The following TBCK variants were observed in gnomAD, a reference collection of about 807,000 sequenced individuals.
The protein encoded by TBCK is TBC domain-containing protein kinase-like protein.
In TBCK, 99 loss-of-function variants were observed where a neutral mutation model predicts 113.4. The ratio of observed to expected loss-of-function variants is 0.87; its 90% CI spans 0.74 to 1.03. TBCK has a LOEUF of 1.03. Ranked by LOEUF, TBCK falls within the 50% of genes least tolerant of loss-of-function variation. The pLI, the probability that TBCK is intolerant of heterozygous loss-of-function variation, is 0.00. For missense variants in TBCK, 1,045 were observed against 1,061.3 expected, an observed-to-expected ratio of 0.98 and a Z score of 0.21; for synonymous variants, 369 against 370.8, an observed-to-expected ratio of 1.00 and a Z score of 0.05.
chr4:106,081,317 C>T (rs1738851216), intron 25 of TBCK, among the ~76,000 whole-genome samples: 2 of 152,142 alleles, frequency 1.3e-5, no homozygotes, highest in Admixed American at 6.5e-5. Flanking sequence ...AGTACATATA[C>T]ACCATGGAAT....
At chr4:106,248,386 G>C (rs1291077284) in intron 8 of TBCK, 80 bp from the exon 9 acceptor site, 9 of 1,052,086 alleles carry the variant, frequency 8.6e-6, no homozygotes, top group Non-Finnish European at 1.1e-5. Flanking sequence ...TGCTAATCTA[G>C]AAGTTTTTGA....
chr4:106,235,753 C>G (rs1759386932), intron 14 of TBCK, among the ~76,000 whole-genome samples: 1 of 151,994 alleles, frequency 6.6e-6, no homozygotes, highest in Non-Finnish European at 1.5e-5. Flanking sequence ...TGATCAATAA[C>G]TATAAGCTAC....
intron 20 of TBCK, among the ~76,000 whole-genome samples, chr4:106,207,590 T>G (rs545910249): frequency 6.6e-6 from 1 of 152,302 alleles, no homozygotes; most frequent in African/African-American, 2.4e-5. Context: ...TAAAAAATGT[T>G]TTTAAAAGTC....
intron 23 of TBCK, among the ~76,000 whole-genome samples, chr4:106,135,421 C>CCAAATAATCTA (rs1337787999): frequency 7.0e-6 from 1 of 143,820 alleles, no homozygotes; most frequent in Non-Finnish European, 1.6e-5. Context: ...GTCAGTCTGG[C>CCAAATAATCTA]TCTGGAGAAT....
chr4:106,090,119 C>T (rs980872262), intron 25 of TBCK, among the ~76,000 whole-genome samples: 2 of 152,222 alleles, frequency 1.3e-5, no homozygotes, highest in African/African-American at 4.8e-5. Context: ...GGTATCCAGA[C>T]TTCCCCACAC....
chr4:106,116,990 AC>A (rs2149572097), intron 23 of TBCK, among the ~76,000 whole-genome samples: 1 of 152,028 alleles, frequency 6.6e-6, no homozygotes, highest in South Asian at 2.1e-4. Context: ...CCCATCTCAA[AC>A]CCAGTCCATG....
Position 106,261,118 on chromosome 4 carries a change from G to A in TBCK, c.382-608C>T, listed in dbSNP as rs1295039214. On this transcript the variant is annotated intron_variant, in intron 4 of 25. Coordinates refer to ENST00000394708, the MANE Select transcript of TBCK (RefSeq NM_001163435.3). ...TAAGTTTTTCCCTTTTAATCTATAAGGCTTTAAAATATTAAGTTGATCTTA... is the reference window on the plus strand; with the variant it reads ...TAAGTTTTTCCCTTTTAATCTATAAAGCTTTAAAATATTAAGTTGATCTTA... Among the ~76,000 whole-genome samples the A allele has an allele frequency of 2.6e-5, 4 of 151,610 alleles. No individual in the cohort carries two copies. The East Asian group carries it at 7.7e-4, about 29-fold the overall frequency.
chr4:106,211,117 T>G (rs1756077380), intron 20 of TBCK, among the ~76,000 whole-genome samples: 1 of 152,184 alleles, frequency 6.6e-6, no homozygotes, highest in African/African-American at 2.4e-5. Context: ...CTGTTTCTGT[T>G]CAGTGCTGAG....
intron 25 of TBCK, among the ~76,000 whole-genome samples, chr4:106,054,980 A>T (rs976821384): frequency 6.6e-6 from 1 of 151,740 alleles, no homozygotes; most frequent in Non-Finnish European, 1.5e-5. Flanking sequence ...AATAATTTTG[A>T]TGAAGTTTAT....
At chr4:106,300,954 A>T (rs975603548) in intron 2 of TBCK, among the ~76,000 whole-genome samples, 7 of 151,986 alleles carry the variant, frequency 4.6e-5, no homozygotes, top group African/African-American at 1.7e-4. Flanking sequence ...AAATAAATAA[A>T]TAATAAATAA....
intron 19 of TBCK, among the ~76,000 whole-genome samples, chr4:106,228,537 C>A (rs1309535478): frequency 6.6e-6 from 1 of 151,808 alleles, no homozygotes; most frequent in East Asian, 1.9e-4. Context: ...AACATAATAA[C>A]CTCCAGTTCC....
intron 25 of TBCK, among the ~76,000 whole-genome samples, chr4:106,050,574 A>G (rs373224255): frequency 6.6e-6 from 1 of 152,058 alleles, no homozygotes. Flanking sequence ...AAATTAAGCA[A>G]TATGCCTCTA....
At chr4:106,307,027 C>T (rs961164631) in intron 2 of TBCK, among the ~76,000 whole-genome samples, 4 of 152,174 alleles carry the variant, frequency 2.6e-5, no homozygotes, top group Non-Finnish European at 5.9e-5. Flanking sequence ...TCCCAAATCT[C>T]TCACGAAGCC....
chr4:106,279,904 A>G (rs1219235599), intron 3 of TBCK, among the ~76,000 whole-genome samples: 1 of 152,112 alleles, frequency 6.6e-6, no homozygotes, highest in Non-Finnish European at 1.5e-5. Flanking sequence ...GGGAGTGAAG[A>G]TACCTTTTTG....
At chr4:106,236,864 T>C (rs1050061199) in intron 12 of TBCK, 56 bp from the exon 13 acceptor site, 31 of 1,025,752 alleles carry the variant, frequency 3.0e-5, no homozygotes, top group Middle Eastern at 4.3e-4. Context: ...GAAACCCTGA[T>C]CTGTGTTTAA....
chr4:106,143,091 CTTT>C (rs1560712188), intron 23 of TBCK, among the ~76,000 whole-genome samples: 1 of 152,114 alleles, frequency 6.6e-6, no homozygotes, highest in Non-Finnish European at 1.5e-5. Context: ...TTATTTTCTT[CTTT>C]TGTGTTTCTC....
intron 2 of TBCK, among the ~76,000 whole-genome samples, chr4:106,301,457 C>A (rs1207354431): frequency 6.6e-6 from 1 of 152,018 alleles, no homozygotes. Context: ...AATTTGTTAA[C>A]ATAGTATTTT....
At chr4:106,189,906 A>G (rs552156009) in intron 22 of TBCK, among the ~76,000 whole-genome samples, 4 of 152,026 alleles carry the variant, frequency 2.6e-5, no homozygotes, top group East Asian at 1.9e-4. Flanking sequence ...GCCTTTGAGC[A>G]TTTTATTCCC....
At chr4:106,111,325 C>CA (rs1172546629) in intron 24 of TBCK, among the ~76,000 whole-genome samples, 2 of 152,198 alleles carry the variant, frequency 1.3e-5, no homozygotes, top group Admixed American at 1.3e-4. Flanking sequence ...AATTTGCAAC[C>CA]TATGGGGCCC....
Sources: allele counts gnomAD v4.1 joint callset (sites outside exome capture counted in the v4.1 genomes callset), GRCh38; gene constraint gnomAD v4.1.1; transcripts MANE v1.5; gene names NCBI Gene and HGNC (gene_info 2026-07-23, HGNC 2026-07-21).